Variants in CCDC141 observed in about 807,000 individuals in gnomAD.
CCDC141 encodes the protein coiled-coil domain-containing protein 141.
Under a neutral mutation model 181.0 loss-of-function variants are expected in CCDC141, and 168 were observed. That is an observed-to-expected ratio of 0.93 (90% confidence interval 0.82 to 1.05). The LOEUF (loss-of-function observed/expected upper bound fraction) is 1.05. Ranked by LOEUF, CCDC141 falls within the 50% of genes least tolerant of loss-of-function variation. CCDC141 has a pLI of 0.00. For synonymous variants in CCDC141, 666 were observed against 642.3 expected (o/e 1.04, Z -0.56); for missense variants, 1,902 against 1,788.5 (o/e 1.06, Z -1.14).
chr2:178,844,486 T>C lies in CCDC141; in HGVS notation c.3474+1140A>G, dbSNP rs149896108. Reference sequence around the variant, plus strand: ...ACCAATCAGAGTAACGTAAAACCATTTGATACAAGAGTAGCATCCAGCAAA... The same window carrying C: ...ACCAATCAGAGTAACGTAAAACCATCTGATACAAGAGTAGCATCCAGCAAA... On this transcript the variant is annotated intron_variant, in intron 22 of 23. Transcript: ENST00000443758. 2.0e-3 allele frequency among the ~76,000 whole-genome samples: 312 copies of C among 152,278 alleles called. 8 individuals carry two copies. The South Asian group carries it at 0.024, about 12-fold the overall frequency.
intron 2 of CCDC141, among the ~76,000 whole-genome samples, chr2:179,033,473 AT>A (rs2043055562): frequency 1.3e-5 from 2 of 152,172 alleles, no homozygotes; most frequent in South Asian, 4.1e-4. Flanking sequence ...AGACAATTTT[AT>A]GTCTTTTCTA....
At chr2:179,042,527 T>A (rs2043340059) in intron 2 of CCDC141, among the ~76,000 whole-genome samples, 1 of 152,074 alleles carries the variant, frequency 6.6e-6, no homozygotes, top group Non-Finnish European at 1.5e-5. Context: ...TTTGTATTTT[T>A]AATAGAGACA....
intron 1 of CCDC141, 39 bp downstream of exon 1, chr2:179,049,801 G>A: frequency 3.2e-6 from 5 of 1,549,176 alleles, no homozygotes; most frequent in Non-Finnish European, 3.5e-6. Flanking sequence ...ACAGCTAGAA[G>A]CCCACAGCCG....
chr2:178,966,425 G>A (rs970390404), intron 4 of CCDC141, among the ~76,000 whole-genome samples: 2 of 152,174 alleles, frequency 1.3e-5, no homozygotes, highest in African/African-American at 4.8e-5. Context: ...GGAAAGATCA[G>A]GTGGCAGTCT....
intron 8 of CCDC141, among the ~76,000 whole-genome samples, chr2:178,898,194 G>T (rs1037836882): frequency 6.6e-6 from 1 of 152,154 alleles, no homozygotes; most frequent in Admixed American, 6.6e-5. Flanking sequence ...GTTCTCTCAG[G>T]AATAGATTAG....
intron 3 of CCDC141, among the ~76,000 whole-genome samples, chr2:178,978,009 T>C (rs535692936): frequency 6.6e-6 from 1 of 152,324 alleles, no homozygotes; most frequent in Admixed American, 6.5e-5. Context: ...AAAGTACTTA[T>C]AAAATGCTAT....
At chr2:179,048,081 C>G (rs1372917744) in intron 1 of CCDC141, among the ~76,000 whole-genome samples, 3 of 152,148 alleles carry the variant, frequency 2.0e-5, no homozygotes, top group African/African-American at 7.2e-5. Context: ...TTACACTGCT[C>G]TAAGATATAA....
At chr2:179,027,078 T>C (rs1416843900) in intron 2 of CCDC141, among the ~76,000 whole-genome samples, 2 of 152,180 alleles carry the variant, frequency 1.3e-5, no homozygotes, top group Non-Finnish European at 2.9e-5. Flanking sequence ...TGTGGACTTT[T>C]GAGTTAATAC....
the CCDC141 span, among the ~76,000 whole-genome samples, chr2:178,822,808 A>C: frequency 3.9e-5 from 6 of 152,212 alleles, no homozygotes; most frequent in Non-Finnish European, 5.9e-5. Flanking sequence ...TTAGAAATTT[A>C]AAACAAAAGT....
At chr2:179,015,629 C>CAT (rs1491375369) in intron 2 of CCDC141, among the ~76,000 whole-genome samples, 11 of 131,320 alleles carry the variant, frequency 8.4e-5, no homozygotes, top group Non-Finnish European at 1.6e-4. Context: ...ATATATATCT[C>CAT]ACATATATCT....
At chr2:179,030,718 C>T (rs558560032) in intron 2 of CCDC141, among the ~76,000 whole-genome samples, 2 of 152,128 alleles carry the variant, frequency 1.3e-5, no homozygotes, top group African/African-American at 4.8e-5. Flanking sequence ...AATAAATTTA[C>T]ACACATACCT....
chr2:178,888,622 G>T lies in CCDC141; in HGVS notation c.1312C>A (p.Arg438=), dbSNP rs763917890. 1.3e-6 allele frequency: 2 copies of T among 1,550,582 alleles called. No homozygotes were observed. Among genetic ancestry groups the T allele is most frequent in the African/African-American group, 1.4e-5 (1 of 72,992 alleles). ...IHEMMGCIKR[R]VDHLTEQCSA... ...CACTGTTCGGTCAGATGATCCACTC[G>T]TCTCTTAATGCACCCCATCATCTCA... The change falls in exon 9 of 24, where the codon CGA becomes AGA. Residue 438 remains arginine (R), a synonymous_variant. Transcript: ENST00000443758.
chr2:178,904,678 G>A (rs1316230887), intron 8 of CCDC141, among the ~76,000 whole-genome samples: 1 of 151,916 alleles, frequency 6.6e-6, no homozygotes, highest in African/African-American at 2.4e-5. Context: ...TTTCCCCTTT[G>A]TCTTTCTGTT....
At chr2:178,842,575 T>C (rs368331763) in intron 22 of CCDC141, among the ~76,000 whole-genome samples, 44 of 152,312 alleles carry the variant, frequency 2.9e-4, no homozygotes, top group African/African-American at 9.4e-4. Flanking sequence ...TTCAACTAAG[T>C]GGGCAGAACC....
rs1313433628 is a variant in CCDC141 at position 178,981,636 on chromosome 2, G to GTGTGTATATATATATATATA, written c.226-2962_226-2961insTATATATATATATATACACA. On this transcript the variant is annotated intron_variant, in intron 2 of 23. Coordinates refer to ENST00000443758, the MANE Select transcript of CCDC141 (RefSeq NM_173648.4). ...TTTGTAGCATTGAATGTGTGTGTGTGTATATATATATATATATATATACAT... is the reference window on the plus strand; with the variant it reads ...TTTGTAGCATTGAATGTGTGTGTGTGTGTGTATATATATATATATATATATATATATATATATATATACAT... 1.2e-3 allele frequency among the ~76,000 whole-genome samples: 73 copies of GTGTGTATATATATATATATA among 62,370 alleles called. 1 individual carries two copies. The highest frequency in any genetic ancestry group is 9.0e-4 in the Non-Finnish European group (28 of 31,014). The allele number at this position is 62,370 out of a possible 152,430, so 40.9% of individuals were successfully genotyped here.
intron 6 of CCDC141, among the ~76,000 whole-genome samples, chr2:178,930,562 C>T (rs906464074): frequency 6.6e-6 from 1 of 152,066 alleles, no homozygotes; most frequent in Non-Finnish European, 1.5e-5. Flanking sequence ...AAACTTACTA[C>T]AATCCTACAG....
chr2:178,964,754 G>A (rs1690550645), intron 4 of CCDC141, among the ~76,000 whole-genome samples: 1 of 152,116 alleles, frequency 6.6e-6, no homozygotes, highest in African/African-American at 2.4e-5. Flanking sequence ...AAAGTGATGT[G>A]TTTTTCCCCA....
At chr2:178,899,077 T>A (rs751458732) in intron 8 of CCDC141, among the ~76,000 whole-genome samples, 6 of 152,186 alleles carry the variant, frequency 3.9e-5, no homozygotes, top group Non-Finnish European at 7.3e-5. Context: ...CAATCAACAA[T>A]GGCGGTCCGA....
At chr2:179,015,458 T>C (rs372665091) in intron 2 of CCDC141, among the ~76,000 whole-genome samples, 3 of 123,742 alleles carry the variant, frequency 2.4e-5, no homozygotes, top group Admixed American at 8.5e-5. Context: ...ATATGTACCA[T>C]ATATATCTCA....
Sources: gnomAD v4.1 joint callset for allele counts (sites outside exome capture counted in the v4.1 genomes callset) on GRCh38, gnomAD v4.1.1 for gene constraint, MANE v1.5 for transcripts, NCBI Gene and HGNC (gene_info 2026-07-23, HGNC 2026-07-21) for gene names.